The following IQSEC1 variants were observed in gnomAD, a reference collection of about 807,000 sequenced individuals.
IQSEC1 encodes the protein IQ motif and SEC7 domain-containing protein 1.
Under a neutral mutation model 91.0 loss-of-function variants are expected in IQSEC1, and 31 were observed. The ratio of observed to expected loss-of-function variants is 0.34; its 90% CI spans 0.26 to 0.46. IQSEC1 has a LOEUF of 0.46. Ranked by LOEUF, IQSEC1 falls within the 20% of genes least tolerant of loss-of-function variation. The probability of loss-of-function intolerance (pLI) is 1.00; values close to 1 mark genes in which losing one functional copy is unlikely to be tolerated. For missense variants in IQSEC1, 1,388 were observed against 1,575.6 expected (o/e 0.88, Z 2.02); for synonymous variants, 699 against 662.6 (o/e 1.05, Z -0.84).
intron 1 of IQSEC1, among the ~76,000 whole-genome samples, chr3:13,266,481 C>A (rs749303373): frequency 1.2e-4 from 18 of 152,298 alleles, no homozygotes; most frequent in Middle Eastern, 3.4e-3. Flanking sequence ...GAGGCCCAGA[C>A]CCTGCGCAGG....
intron 1 of IQSEC1, among the ~76,000 whole-genome samples, chr3:13,026,456 CT>C (rs890302871): frequency 5.9e-5 from 9 of 152,366 alleles, no homozygotes; most frequent in Non-Finnish European, 1.2e-4. Context: ...TTTCCATTGG[CT>C]TGTTCCTTCA....
chr3:13,078,388 G>A, upstream of IQSEC1, among the ~76,000 whole-genome samples: 1 of 152,148 alleles, frequency 6.6e-6, no homozygotes. Flanking sequence ...GAGATGCTGG[G>A]CCCCTGCGTG....
chr3:12,961,698 C>T (rs1700249115), intron 1 of IQSEC1, among the ~76,000 whole-genome samples: 1 of 152,216 alleles, frequency 6.6e-6, no homozygotes, highest in Admixed American at 6.5e-5. Flanking sequence ...CGGTCCAGTT[C>T]CACACAGTCA....
chr3:12,941,535 C>A (rs754553312), intron 2 of IQSEC1, 36 bp downstream of exon 2: 2 of 1,508,336 alleles, frequency 1.3e-6, no homozygotes, highest in African/African-American at 2.7e-5. Context: ...CTGCCCTGCG[C>A]TTGCATGTGT....
At chr3:12,963,473 T>A (rs1700367301) in intron 1 of IQSEC1, among the ~76,000 whole-genome samples, 1 of 152,240 alleles carries the variant, frequency 6.6e-6, no homozygotes, top group Non-Finnish European at 1.5e-5. Context: ...TCATTTTAAC[T>A]CAGCAACAAT....
chr3:13,258,122 A>G (rs1421850908), intron 1 of IQSEC1, among the ~76,000 whole-genome samples: 1 of 152,254 alleles, frequency 6.6e-6, no homozygotes, highest in East Asian at 1.9e-4. Flanking sequence ...GGGCGGGGGC[A>G]GAAACACTGC....
chr3:13,170,444 T>G lies in IQSEC1; in HGVS notation c.273-6311A>C, dbSNP rs148416736. Among the ~76,000 whole-genome samples, 111 of 152,304 alleles carry G rather than the reference T, an allele frequency of 7.3e-4. 2 individuals are homozygous for G. In the East Asian group the frequency reaches 0.017, roughly 24 times the overall value. On this transcript the variant is annotated intron_variant, in intron 1 of 15. Coordinates refer to the IQSEC1 transcript ENST00000648114. ...CTACTGGGGCACTGCCAAGTGGAGC[T>G]GTGAGAAGAAGGCCACCGTCCTCCA...
chr3:13,152,366 A>C lies in IQSEC1; in HGVS notation c.302+11738T>G, dbSNP rs1355991945. ...ATCAATGGGAAAACAGTAAAGAATA[A>C]ATATCATATTGCTTTAAATGAATGT... is the stretch of plus-strand genomic sequence containing the variant. On this transcript the variant is annotated intron_variant, in intron 2 of 15. Transcript: ENST00000648114. Among the ~76,000 whole-genome samples, 5 of 152,246 alleles carry C rather than the reference A, an allele frequency of 3.3e-5. No homozygotes were observed. The East Asian group carries it at 9.6e-4, about 29-fold the overall frequency.
At chr3:13,021,959 C>T (rs1195829939) in intron 1 of IQSEC1, 1 of 1,026,026 alleles carries the variant, frequency 9.7e-7, no homozygotes, top group African/African-American at 1.7e-5. Flanking sequence ...CTTCCTGGAC[C>T]CTGTACAGCC....
intron 1 of IQSEC1, among the ~76,000 whole-genome samples, chr3:13,024,620 C>T (rs1171154062): frequency 6.6e-6 from 1 of 150,956 alleles, no homozygotes; most frequent in Non-Finnish European, 1.5e-5. Context: ...ACCCATCTGT[C>T]CATCATCCAT....
At chr3:12,913,709 C>T (rs909174178) in intron 8 of IQSEC1, among the ~76,000 whole-genome samples, 156 bp from the exon 9 acceptor site, 1 of 152,208 alleles carries the variant, frequency 6.6e-6, no homozygotes, top group Non-Finnish European at 1.5e-5. Flanking sequence ...AGAGCAGATA[C>T]GTCTTTTGGC....
At chr3:12,998,620 T>G (rs1702307495) in intron 1 of IQSEC1, among the ~76,000 whole-genome samples, 2 of 151,854 alleles carry the variant, frequency 1.3e-5, no homozygotes, top group South Asian at 4.1e-4. Flanking sequence ...GGGTCCCTCT[T>G]AAAAAAATTT....
intron 1 of IQSEC1, among the ~76,000 whole-genome samples, chr3:13,038,142 GGATA>G (rs1704103915): frequency 6.7e-6 from 1 of 148,684 alleles, no homozygotes; most frequent in African/African-American, 2.5e-5. Flanking sequence ...ACAGATGAAT[GGATA>G]AAGAAAACTT....
chr3:13,184,995 C>A (rs1407553084), intron 1 of IQSEC1, among the ~76,000 whole-genome samples: 1 of 152,154 alleles, frequency 6.6e-6, no homozygotes, highest in African/African-American at 2.4e-5. Flanking sequence ...TCCACACAGA[C>A]AAACAGACAA....
At chr3:13,223,393 G>A (rs1286449807) in intron 1 of IQSEC1, among the ~76,000 whole-genome samples, 2 of 152,192 alleles carry the variant, frequency 1.3e-5, no homozygotes, top group East Asian at 1.9e-4. Context: ...AGATAGGAGC[G>A]CGCCACCTCC....
chr3:13,264,719 G>A (rs752267205), intron 1 of IQSEC1, among the ~76,000 whole-genome samples: 3 of 151,930 alleles, frequency 2.0e-5, no homozygotes, highest in African/African-American at 4.8e-5. Flanking sequence ...GGAGGAGGAC[G>A]GAGGAGAGGG....
chr3:12,992,022 C>A lies in IQSEC1; in HGVS notation c.24-50157G>T, dbSNP rs1054558733. ...TTTGCAAACCGTGCAGGAGACAGTCCCCTGCAGAGGTGAGCACAGGCCCCC... is the reference window on the plus strand; with the variant it reads ...TTTGCAAACCGTGCAGGAGACAGTCACCTGCAGAGGTGAGCACAGGCCCCC... On this transcript the variant is annotated intron_variant, in intron 1 of 13. Coordinates refer to ENST00000613206, the MANE Select transcript of IQSEC1 (RefSeq NM_001134382.3). This position sits in a 1 kb window ranked among gnomAD's most constrained non-coding sequence, Gnocchi z 4.1. Among the ~76,000 whole-genome samples, 3 of 152,116 alleles carry A rather than the reference C, an allele frequency of 2.0e-5. No homozygotes were observed.
intron 1 of IQSEC1, among the ~76,000 whole-genome samples, chr3:13,171,778 G>T (rs189355334): frequency 6.6e-6 from 1 of 152,184 alleles, no homozygotes; most frequent in East Asian, 1.9e-4. Context: ...CTCTCCCTGG[G>T]GCCAGAGCTC....
chr3:13,167,457 A>G (rs896021776), intron 1 of IQSEC1, among the ~76,000 whole-genome samples: 7 of 152,216 alleles, frequency 4.6e-5, no homozygotes, highest in Non-Finnish European at 7.3e-5. Flanking sequence ...CCAGGGCCGA[A>G]GCAGCTGGGA....
Sources: allele counts gnomAD v4.1 joint callset (sites outside exome capture counted in the v4.1 genomes callset), GRCh38; gene constraint gnomAD v4.1.1; non-coding constraint Gnocchi (gnomAD v3.1); transcripts MANE v1.5; gene names NCBI Gene and HGNC (gene_info 2026-07-23, HGNC 2026-07-21).